CNTN4: variants seen among roughly 807,000 people sequenced by gnomAD.
CNTN4 encodes the protein contactin-4.
A neutral mutation model predicts 122.5 loss-of-function variants in CNTN4; 77 were observed. The ratio of observed to expected loss-of-function variants is 0.63; its 90% CI spans 0.52 to 0.76. The LOEUF (loss-of-function observed/expected upper bound fraction) is 0.76. CNTN4 is among the 30% of genes least tolerant of loss of function. The pLI is 0.00. For missense variants in CNTN4, 1,256 were observed against 1,259.1 expected (o/e 1.00, Z 0.04); for synonymous variants, 512 against 447.0 (o/e 1.15, Z -1.83).
intron 3 of CNTN4, among the ~76,000 whole-genome samples, chr3:2,525,456 T>C (rs1326435367): frequency 1.3e-5 from 2 of 152,166 alleles, no homozygotes; most frequent in African/African-American, 4.8e-5. Context: ...AAAGTCCATA[T>C]ATATCTGTGA....
chr3:3,034,708 G>A lies in CNTN4; in HGVS notation c.1860G>A (p.Gly620=), dbSNP rs1188217554. The A allele has an allele frequency of 9.3e-6, 15 of 1,613,934 alleles. No individual in the cohort carries two copies. Among genetic ancestry groups the A allele is most frequent in the African/African-American group, 1.3e-5 (1 of 74,886 alleles). ...CTGCTCAGCTCTCCTGGAGACCCGG[G>A]CCTGACAACCACAGCCCCATCACCA... ...DTTAQLSWRP[G]PDNHSPITMY... The change falls in exon 17 of 25, where the codon GGG becomes GGA. Residue 620 remains glycine (G), a synonymous_variant. Transcript: ENST00000418658.
In CNTN4 at chr3:2,916,794, C is replaced by T. The variant is rs371839238; in HGVS notation, c.1208-8835C>T. Among the ~76,000 whole-genome samples the T allele has an allele frequency of 4.1e-3, 620 of 149,942 alleles. 4 individuals carry two copies. Among genetic ancestry groups the T allele is most frequent in the South Asian group, 7.3e-3 (34 of 4,668 alleles). On this transcript the variant is annotated intron_variant, in intron 12 of 24. Transcript: ENST00000418658. ...AGGGGCGGCCGGGCAGAGGGGCCCC[C>T]CACCTCCCAGACGGGGCCGCCGGGT...
chr3:3,009,654 C>CA, intron 14 of CNTN4, among the ~76,000 whole-genome samples: 1 of 151,984 alleles, frequency 6.6e-6, no homozygotes, highest in Non-Finnish European at 1.5e-5. Flanking sequence ...AGGATGGTCT[C>CA]GATCTCCTGA....
intron 2 of CNTN4, among the ~76,000 whole-genome samples, chr3:2,165,118 GTCGAGA>G (rs908678284): frequency 6.6e-6 from 1 of 151,898 alleles, no homozygotes; most frequent in African/African-American, 2.4e-5. Flanking sequence ...AGGTCAGGAG[GTCGAGA>G]CCAGCCTGGC....
chr3:2,477,529 C>T (rs184459260), intron 3 of CNTN4, among the ~76,000 whole-genome samples: 48 of 152,102 alleles, frequency 3.2e-4, no homozygotes, highest in Admixed American at 1.1e-3. Context: ...TTTAGTCAAA[C>T]AGCTAGTGAA....
intron 2 of CNTN4, among the ~76,000 whole-genome samples, chr3:2,156,037 C>G (rs551341886): frequency 3.9e-5 from 6 of 152,246 alleles, no homozygotes; most frequent in African/African-American, 1.2e-4. Context: ...ATTTCAGAAT[C>G]ACTCCCCTTA....
intron 3 of CNTN4, among the ~76,000 whole-genome samples, chr3:2,376,419 G>A (rs1020524470): frequency 6.6e-5 from 10 of 152,200 alleles, no homozygotes; most frequent in Admixed American, 6.6e-4. Context: ...TGGGAGCACA[G>A]AAGGTGGATG....
At chr3:2,386,752 T>G (rs965987500) in intron 3 of CNTN4, among the ~76,000 whole-genome samples, 1 of 152,212 alleles carries the variant, frequency 6.6e-6, no homozygotes, top group African/African-American at 2.4e-5. Context: ...AAGTATTACA[T>G]AAGTCTTTTA....
intron 4 of CNTN4, among the ~76,000 whole-genome samples, chr3:2,687,880 G>A (rs2085518518): frequency 6.6e-6 from 1 of 152,062 alleles, no homozygotes; most frequent in Non-Finnish European, 1.5e-5. Context: ...AAGAGGCCAG[G>A]GCAGTGAAAC....
chr3:2,630,728 G>GTC (rs1416495846), intron 4 of CNTN4, among the ~76,000 whole-genome samples: 1 of 121,228 alleles, frequency 8.2e-6, no homozygotes, highest in Non-Finnish European at 1.8e-5. Context: ...GTGTGTGTGT[G>GTC]TGTACTATAT....
intron 6 of CNTN4, among the ~76,000 whole-genome samples, chr3:2,809,197 G>A (rs1025637577): frequency 1.3e-5 from 2 of 152,216 alleles, no homozygotes; most frequent in African/African-American, 4.8e-5. Context: ...GTAAAGAGGG[G>A]ATGTGACAGA....
rs1455731249 is a variant in CNTN4 at position 2,840,626 on chromosome 3, G to A, written c.454+21045G>A. 1.4e-4 allele frequency among the ~76,000 whole-genome samples: 19 copies of A among 134,800 alleles called. 1 individual carries two copies. The highest frequency in any genetic ancestry group is 1.4e-3 in the Admixed American group (17 of 12,570). 88.4% of individuals were successfully genotyped at this position (134,800 alleles called of 152,430 possible). On this transcript the variant is annotated intron_variant, in intron 7 of 24. Transcript: ENST00000418658. ...AGGCGGGAGAATGGCGGGAACCCGG[G>A]AGGCGGAGCTTGCAGTGAGCCAAGA... is the stretch of plus-strand genomic sequence containing the variant.
chr3:2,298,216 T>C (rs1424496305), intron 2 of CNTN4, among the ~76,000 whole-genome samples: 1 of 152,214 alleles, frequency 6.6e-6, no homozygotes, highest in East Asian at 1.9e-4. Flanking sequence ...TAATTACAAA[T>C]GTATAATTTT....
At chr3:2,139,291 G>A (rs150425584) in intron 2 of CNTN4, among the ~76,000 whole-genome samples, 306 of 152,220 alleles carry the variant, frequency 2.0e-3, no homozygotes, top group African/African-American at 7.0e-3. Flanking sequence ...ATGTACTAAC[G>A]TAATTTGAAA....
At chr3:2,754,656 G>A (rs551434789) in intron 6 of CNTN4, among the ~76,000 whole-genome samples, 4 of 151,000 alleles carry the variant, frequency 2.6e-5, no homozygotes, top group East Asian at 2.0e-4. Flanking sequence ...GAGTGCTTAC[G>A]TACAAAAGCC....
At chr3:2,532,574 A>C (rs914646101) in intron 3 of CNTN4, among the ~76,000 whole-genome samples, 5 of 152,196 alleles carry the variant, frequency 3.3e-5, no homozygotes, top group African/African-American at 1.2e-4. Flanking sequence ...TAGTTCTATG[A>C]AAGCAACCAC....
chr3:3,038,483 G>C (rs1260856270), intron 18 of CNTN4, among the ~76,000 whole-genome samples: 1 of 152,116 alleles, frequency 6.6e-6, no homozygotes, highest in Non-Finnish European at 1.5e-5. Flanking sequence ...TCCTTACCCT[G>C]GTTGTCGACC....
chr3:2,790,255 C>T (rs1394169215), intron 6 of CNTN4, among the ~76,000 whole-genome samples: 2 of 152,136 alleles, frequency 1.3e-5, no homozygotes, highest in African/African-American at 4.8e-5. Context: ...GTTCCCTCTT[C>T]TGTATTTGGG....
intron 2 of CNTN4, among the ~76,000 whole-genome samples, chr3:2,129,798 A>G (rs2034364931): frequency 6.6e-6 from 1 of 151,896 alleles, no homozygotes; most frequent in Admixed American, 6.6e-5. Context: ...CAGATTGTAC[A>G]TAAAAATACA....
Sources: allele counts gnomAD v4.1 joint callset (sites outside exome capture counted in the v4.1 genomes callset), GRCh38; gene constraint gnomAD v4.1.1; transcripts MANE v1.5; gene names NCBI Gene and HGNC (gene_info 2026-07-23, HGNC 2026-07-21).